Variants in RGS17 observed in about 807,000 individuals in gnomAD.
RGS17 encodes the protein regulator of G-protein signaling 17.
Under a neutral mutation model 25.5 loss-of-function variants are expected in RGS17, and 12 were observed. The observed-to-expected ratio is 0.47, with a 90% confidence interval of 0.30 to 0.76. The LOEUF (loss-of-function observed/expected upper bound fraction) is 0.76. Ranked by LOEUF, RGS17 falls within the 30% of genes least tolerant of loss-of-function variation. The probability of loss-of-function intolerance (pLI) is 0.07; values close to 1 mark genes in which losing one functional copy is unlikely to be tolerated. For synonymous variants in RGS17, 71 were observed against 76.9 expected, an observed-to-expected ratio of 0.92 and a Z score of 0.40; for missense variants, 196 against 242.2, an observed-to-expected ratio of 0.81 and a Z score of 1.27.
intron 4 of RGS17, among the ~76,000 whole-genome samples, chr6:153,020,096 A>AT (rs1414468974): frequency 2.1e-4 from 15 of 72,378 alleles, no homozygotes; most frequent in African/African-American, 8.7e-4. Flanking sequence ...AATTGCAAAT[A>AT]TCTTAAAAAA....
chr6:153,050,578 T>C (rs375000405), intron 1 of RGS17, among the ~76,000 whole-genome samples: 2 of 152,162 alleles, frequency 1.3e-5, no homozygotes, highest in African/African-American at 2.4e-5. Flanking sequence ...AATATCAATT[T>C]TGGAAGAGTA....
chr6:153,044,778 T>A (rs1335878184), intron 1 of RGS17, among the ~76,000 whole-genome samples: 1 of 152,206 alleles, frequency 6.6e-6, no homozygotes, highest in East Asian at 1.9e-4. Flanking sequence ...AAAATAAATA[T>A]TGGGATACAG....
At chr6:153,126,390 G>A (rs1414454258) in intron 1 of RGS17, among the ~76,000 whole-genome samples, 2 of 152,188 alleles carry the variant, frequency 1.3e-5, no homozygotes, top group African/African-American at 4.8e-5. Flanking sequence ...ACTCAGGGGT[G>A]TAGCAGTATA....
At chr6:153,050,815 T>A (rs1422727936) in intron 1 of RGS17, among the ~76,000 whole-genome samples, 1 of 152,300 alleles carries the variant, frequency 6.6e-6, no homozygotes. Context: ...AATGTTTATG[T>A]CCCCCTCAAA....
intron 1 of RGS17, among the ~76,000 whole-genome samples, chr6:153,102,533 T>C (rs1460515153): frequency 6.6e-6 from 1 of 152,134 alleles, no homozygotes; most frequent in Admixed American, 6.6e-5. Context: ...GGGAGGGACC[T>C]GGTGAGAGGT....
At chr6:153,053,997 T>TA in intron 1 of RGS17, among the ~76,000 whole-genome samples, 1 of 54,092 alleles carries the variant, frequency 1.8e-5, no homozygotes, top group Middle Eastern at 0.01. Context: ...ATATAATATA[T>TA]ATACATATAT....
At chr6:153,054,588 T>A (rs140959151) in intron 1 of RGS17, among the ~76,000 whole-genome samples, 4,823 of 151,534 alleles carry the variant, frequency 0.032, 377 homozygotes, top group South Asian at 0.26. Context: ...AGGGTGGAGG[T>A]TGCAGTGAGC....
chr6:153,023,738 A>G (rs1384838894), intron 4 of RGS17, among the ~76,000 whole-genome samples: 1 of 152,122 alleles, frequency 6.6e-6, no homozygotes. Context: ...ATCAACAAAC[A>G]TGTCAGATTT....
At chr6:153,084,480 C>T (rs1025565600) in intron 1 of RGS17, among the ~76,000 whole-genome samples, 4 of 151,954 alleles carry the variant, frequency 2.6e-5, no homozygotes, top group Non-Finnish European at 5.9e-5. Context: ...TGATTGAAGG[C>T]GGGTGAGGGA....
At position 153,010,925 on chromosome 6, in the gene RGS17, C is replaced by G. The variant is rs906860021; in HGVS notation, c.*649G>C. 7.1e-6 allele frequency: 1 copy of G among 141,572 alleles called. No homozygotes were observed. Among genetic ancestry groups the G allele is most frequent in the African/African-American group, 2.6e-5 (1 of 38,002 alleles). The allele number at this position is 141,572 out of a possible 1,614,324, so 8.8% of individuals were successfully genotyped here. ...TTTTTTGCTTTTAGCATAGTAAACT[C>G]TCCTGTAATGAAAATGCCACAGTTT... On this transcript the variant is annotated 3_prime_UTR_variant, in exon 5 of 5. Coordinates refer to ENST00000206262, the MANE Select transcript of RGS17 (RefSeq NM_012419.5).
At chr6:153,109,666 G>T (rs1257477978) in intron 1 of RGS17, among the ~76,000 whole-genome samples, 2 of 152,106 alleles carry the variant, frequency 1.3e-5, no homozygotes, top group Non-Finnish European at 2.9e-5. Flanking sequence ...AAAACAATTT[G>T]TAACATTTGT....
intron 1 of RGS17, among the ~76,000 whole-genome samples, chr6:153,088,323 AT>A (rs1227235962): frequency 6.6e-6 from 1 of 152,152 alleles, no homozygotes; most frequent in Non-Finnish European, 1.5e-5. Flanking sequence ...TTGCTCCTAA[AT>A]TTTGGGGCAA....
intron 4 of RGS17, among the ~76,000 whole-genome samples, chr6:153,023,105 G>T: frequency 6.6e-6 from 1 of 152,100 alleles, no homozygotes; most frequent in East Asian, 1.9e-4. Context: ...TATAACTTAG[G>T]TACTGTATAT....
At chr6:153,055,803 T>C (rs114596497) in intron 1 of RGS17, among the ~76,000 whole-genome samples, 96 of 152,282 alleles carry the variant, frequency 6.3e-4, no homozygotes, top group African/African-American at 2.3e-3. Flanking sequence ...AGTTATATCT[T>C]CCAAGAAATG....
At chr6:153,103,342 A>T (rs185850170) in intron 1 of RGS17, among the ~76,000 whole-genome samples, 56 of 152,286 alleles carry the variant, frequency 3.7e-4, no homozygotes, top group African/African-American at 1.3e-3. Flanking sequence ...ATATGCCATA[A>T]TTATTACCAC....
intron 4 of RGS17, among the ~76,000 whole-genome samples, chr6:153,013,501 A>G (rs1278212861): frequency 6.6e-6 from 1 of 152,222 alleles, no homozygotes; most frequent in East Asian, 1.9e-4. Flanking sequence ...GAAGATTCAC[A>G]CATCTGTCAC....
At chr6:153,129,913 AGGCGCAGGGCTCAG>A (rs1562342150) in intron 1 of RGS17, among the ~76,000 whole-genome samples, 1 of 152,086 alleles carries the variant, frequency 6.6e-6, no homozygotes, top group Non-Finnish European at 1.5e-5. Flanking sequence ...GCTCCGGGCG[AGGCGCAGGGCTCAG>A]GGCGCAGGGC....
intron 1 of RGS17, among the ~76,000 whole-genome samples, chr6:153,075,580 C>A (rs1209712905): frequency 6.6e-6 from 1 of 152,116 alleles, no homozygotes; most frequent in Non-Finnish European, 1.5e-5. Flanking sequence ...TGATGTTGCC[C>A]CCAGGGTTCT....
At position 153,010,436 on chromosome 6, in the gene RGS17, A is replaced by G. The variant is rs1188284178; in HGVS notation, c.*1138T>C. The G allele has an allele frequency of 6.6e-6, 1 of 152,052 alleles. No individual in the cohort carries two copies. Among genetic ancestry groups the G allele is most frequent in the Non-Finnish European group, 1.5e-5 (1 of 67,902 alleles). The allele number at this position is 152,052 out of a possible 1,614,324, so 9.4% of individuals were successfully genotyped here. A position where few individuals can be genotyped will look rare whatever the true frequency, so the allele number is the denominator to read the frequency against. On this transcript the variant is annotated 3_prime_UTR_variant, in exon 5 of 5. Transcript: ENST00000206262. ...CTAATAGTTTGGTTTAAACATCTTT[A>G]AAATGTCATCCTTAAGATATTATGT... is the stretch of plus-strand genomic sequence containing the variant.
Sources: allele counts gnomAD v4.1 joint callset (sites outside exome capture counted in the v4.1 genomes callset), GRCh38; gene constraint gnomAD v4.1.1; transcripts MANE v1.5; gene names NCBI Gene and HGNC (gene_info 2026-07-23, HGNC 2026-07-21).